Variants in ZNF292 observed in about 807,000 individuals in gnomAD.
ZNF292 encodes the protein 16 zinc-finger domain protein.
In ZNF292, 26 loss-of-function variants were observed where a neutral mutation model predicts 217.9. That is an observed-to-expected ratio of 0.12 (90% CI 0.09 to 0.17). The LOEUF (loss-of-function observed/expected upper bound fraction) is 0.17, where lower values mean the gene tolerates loss of function less well. ZNF292 is among the 10% of genes least tolerant of loss of function. ZNF292 has a pLI of 1.00. For missense variants in ZNF292, 2,904 were observed against 3,175.2 expected (o/e 0.91, Z 2.05); for synonymous variants, 1,257 against 1,124.1 (o/e 1.12, Z -2.37).
In ZNF292 at chr6:87,258,132, T is replaced by C; in HGVS notation, c.4503T>C (p.Ser1501=). The change falls in exon 8 of 8, where the codon AGT becomes AGC. Residue 1501 remains serine (S), a synonymous_variant. Coordinates refer to ENST00000369577, the MANE Select transcript of ZNF292 (RefSeq NM_015021.3). ...KQALETAGIP[S]TFEGAEMLSH... ...CTTTGGAAACTGCTGGCATTCCCAG[T>C]ACATTTGAGGGTGCCGAAATGCTTT... is the stretch of plus-strand genomic sequence containing the variant. 2.5e-6 allele frequency: 4 copies of C among 1,612,456 alleles called. No homozygotes were observed. Among genetic ancestry groups the C allele is most frequent in the Non-Finnish European group, 3.4e-6 (4 of 1,179,272 alleles).
rs1772915690 is a variant in ZNF292 at position 87,218,738 on chromosome 6, T to A, written c.538+7T>A. 1 of 1,569,938 alleles carries A rather than the reference T, an allele frequency of 6.4e-7. No homozygotes were observed. The highest frequency in any genetic ancestry group is 1.4e-5 in the African/African-American group (1 of 72,654). ...CCATTGGATAAGGATAAAGGTAAATTTTCGAGAGACAGAGAAAAAAAAGAA... is the reference window on the plus strand; with the variant it reads ...CCATTGGATAAGGATAAAGGTAAATATTCGAGAGACAGAGAAAAAAAAGAA... On this transcript the variant is annotated splice_region_variant and intron_variant, in intron 4 of 7. Transcript: ENST00000369577.
chr6:87,172,218 A>G lies in ZNF292; in HGVS notation c.168+16459A>G, dbSNP rs181597729. 2.0e-5 allele frequency among the ~76,000 whole-genome samples: 3 copies of G among 152,290 alleles called. No individual in the cohort carries two copies. In the East Asian group the frequency reaches 5.8e-4, roughly 29 times the overall value. ...AACAGCTGTTTTTCTCTTTAGAACA[A>G]TTTATGATAGCCTACCCCAATCATT... On this transcript the variant is annotated intron_variant, in intron 1 of 7. Transcript: ENST00000369577.
chr6:87,253,845 C>T (rs544452745), intron 7 of ZNF292, among the ~76,000 whole-genome samples: 195 of 152,260 alleles, frequency 1.3e-3, no homozygotes, highest in African/African-American at 4.5e-3. Flanking sequence ...TATCTTATTT[C>T]TCATTTATCA....
intron 6 of ZNF292, among the ~76,000 whole-genome samples, chr6:87,244,315 C>G (rs1378988807): frequency 6.6e-6 from 1 of 152,236 alleles, no homozygotes; most frequent in East Asian, 1.9e-4. Flanking sequence ...ATATGCAATA[C>G]AGAGAGGCTT....
chr6:87,258,716 A>G lies in ZNF292; in HGVS notation c.5087A>G (p.Gln1696Arg), dbSNP rs760742732. 2 of 1,613,370 alleles carry G rather than the reference A, an allele frequency of 1.2e-6. No individual in the cohort carries two copies. The highest frequency in any genetic ancestry group is 1.7e-5 in the Admixed American group (1 of 59,882). The stretch of plus-strand genomic sequence containing the variant: ...CAGAAATTAAATAATGTTAACAATC[A>G]GTTATTTATGACTGATGTAAAAGAG... The part of the protein sequence containing the change: ...LTQKLNNVNN[Q>R]LFMTDVKENF... Residue 1696 changes from glutamine to arginine, a missense_variant, in exon 8 of 8, where the codon CAG becomes CGG. Gln to Arg is a conservative substitution (Grantham distance 43, BLOSUM62 1). Around this residue, in one of 15 missense-constraint regions of ZNF292, gnomAD observed 622 missense variants for 573.1 expected, o/e 1.09. Transcript: ENST00000369577.
At chr6:87,215,554 A>T (rs538896400) in intron 1 of ZNF292, among the ~76,000 whole-genome samples, 1 of 152,174 alleles carries the variant, frequency 6.6e-6, no homozygotes, top group African/African-American at 2.4e-5. Flanking sequence ...ATTATTTCAA[A>T]TTCTTCACTG....
intron 1 of ZNF292, among the ~76,000 whole-genome samples, chr6:87,159,213 TTTC>T (rs1386990050): frequency 3.3e-5 from 5 of 152,158 alleles, no homozygotes; most frequent in African/African-American, 4.8e-5. Context: ...ATTAAATGTT[TTTC>T]TTATTAACAG....
In ZNF292 at chr6:87,252,153, T is replaced by A. The variant is rs1774952906; in HGVS notation, c.1021-2497T>A. ...TGTTTGTTGTTTGTTTTTTTTTTGT[T>A]TTTTGTGTTTTTTTTGAGACGTTGT... On this transcript the variant is annotated intron_variant, in intron 7 of 7. Coordinates refer to ENST00000369577, the MANE Select transcript of ZNF292 (RefSeq NM_015021.3). Among the ~76,000 whole-genome samples, 4 of 152,054 alleles carry A rather than the reference T, an allele frequency of 2.6e-5. No individual in the cohort carries two copies. In the South Asian group the frequency reaches 8.3e-4, roughly 32 times the overall value.
At chr6:87,231,751 A>G (rs1773667577) in intron 4 of ZNF292, among the ~76,000 whole-genome samples, 1 of 152,148 alleles carries the variant, frequency 6.6e-6, no homozygotes, top group Non-Finnish European at 1.5e-5. Flanking sequence ...CCTTTAAGTT[A>G]TTTCTTCACC....
intron 1 of ZNF292, among the ~76,000 whole-genome samples, chr6:87,209,878 G>C (rs750327122): frequency 1.3e-5 from 2 of 152,140 alleles, no homozygotes; most frequent in Non-Finnish European, 2.9e-5. Flanking sequence ...AGAGAGTAAA[G>C]AGTCATGAGA....
rs768300649 is a variant in ZNF292, at chr6:87,254,941, A to G, written c.1312A>G (p.Thr438Ala). Residue 438 changes from threonine to alanine, a missense_variant, in exon 8 of 8, where the codon ACT becomes GCT. Physicochemically the swap from Thr to Ala is moderately conservative, Grantham distance 58. Coordinates refer to ENST00000369577, the MANE Select transcript of ZNF292 (RefSeq NM_015021.3). Reference sequence around the variant, plus strand: ...CTGTGAGCTGTTACTTGTATTGAAAACTCAATGGCCCTTTGATCCAGAATT... The same window carrying G: ...CTGTGAGCTGTTACTTGTATTGAAAGCTCAATGGCCCTTTGATCCAGAATT... ...LRCELLLVLK[T>A]QWPFDPEFWD... is the part of the protein sequence containing the mutation. The G allele has an allele frequency of 3.1e-6, 5 of 1,613,638 alleles. No individual in the cohort carries two copies. The Admixed American group carries it at 6.7e-5, about 22-fold the overall frequency.
intron 5 of ZNF292, among the ~76,000 whole-genome samples, chr6:87,239,480 GCGGGGGC>G (rs1774109668): frequency 6.6e-6 from 1 of 151,088 alleles, no homozygotes; most frequent in African/African-American, 2.5e-5. Context: ...GGCTGGCCGG[GCGGGGGC>G]TGCCCCCCAC....
chr6:87,204,282 A>G (rs993086849), intron 1 of ZNF292, among the ~76,000 whole-genome samples: 4 of 152,186 alleles, frequency 2.6e-5, no homozygotes, highest in African/African-American at 4.8e-5. Context: ...GCATACGTGA[A>G]TAATGTCTGC....
At chr6:87,191,332 A>G (rs1014884478) in intron 1 of ZNF292, among the ~76,000 whole-genome samples, 1 of 152,182 alleles carries the variant, frequency 6.6e-6, no homozygotes, top group African/African-American at 2.4e-5. Flanking sequence ...AAAATTTACA[A>G]ATTTCTGTTG....
At chr6:87,249,580 A>T (rs1295465842) in intron 7 of ZNF292, 1 of 159,344 alleles carries the variant, frequency 6.3e-6, no homozygotes, top group African/African-American at 2.4e-5. Flanking sequence ...CTAGAATCAT[A>T]GATTATTATT....
chr6:87,226,660 G>C (rs28425766), intron 4 of ZNF292, among the ~76,000 whole-genome samples: 1 of 98,254 alleles, frequency 1.0e-5, no homozygotes, highest in South Asian at 2.8e-4. Flanking sequence ...TATATATATA[G>C]ATATATAGAT....
chr6:87,193,666 C>T (rs891933065), intron 1 of ZNF292, among the ~76,000 whole-genome samples: 26 of 152,176 alleles, frequency 1.7e-4, no homozygotes, highest in Non-Finnish European at 3.2e-4. Context: ...CACACAAGCA[C>T]GCCCTCCGAG....
chr6:87,168,176 C>G (rs1770976541), intron 1 of ZNF292, among the ~76,000 whole-genome samples: 1 of 152,122 alleles, frequency 6.6e-6, no homozygotes, highest in African/African-American at 2.4e-5. Context: ...ATCTGAAGAC[C>G]TATGAGATCA....
chr6:87,188,789 A>G (rs571511818), intron 1 of ZNF292, among the ~76,000 whole-genome samples: 1 of 144,204 alleles, frequency 6.9e-6, no homozygotes. Context: ...CAGTGAATTA[A>G]ACTGTTTAAT....
Sources: allele counts gnomAD v4.1 joint callset (sites outside exome capture counted in the v4.1 genomes callset), GRCh38; gene constraint gnomAD v4.1.1; regional missense constraint gnomAD v4.1.1; transcripts MANE v1.5; gene names NCBI Gene and HGNC (gene_info 2026-07-23, HGNC 2026-07-21).